The following BRCC3 variants were observed in gnomAD, a reference collection of about 807,000 sequenced individuals.
BRCC3 encodes lys-63-specific deubiquitinase BRCC36.
In BRCC3, 15 loss-of-function variants were observed where a neutral mutation model predicts 28.0. That is an observed-to-expected ratio of 0.54 (90% CI 0.36 to 0.82). BRCC3 has a LOEUF of 0.82. Ranked by LOEUF, BRCC3 falls within the 40% of genes least tolerant of loss-of-function variation. The pLI is 0.01. For synonymous variants in BRCC3, 66 were observed against 80.3 expected (o/e 0.82, Z 0.95); for missense variants, 109 against 225.9 (o/e 0.48, Z 3.32).
chrX:155,084,029 A>G (rs1413003491), intron 5 of BRCC3, among the ~76,000 whole-genome samples: 2 of 112,238 alleles, frequency 1.8e-5, no homozygotes, highest in African/African-American at 6.5e-5. Context: ...ACAAGTGGGA[A>G]TCCTATTCAT....
intron 2 of BRCC3, among the ~76,000 whole-genome samples, 191 bp from the exon 3 acceptor site, chrX:155,073,186 C>T (rs1244392014): frequency 1.8e-5 from 2 of 112,333 alleles, no homozygotes; most frequent in Non-Finnish European, 3.8e-5. Flanking sequence ...TACACTCAGC[C>T]ACTTGTGCAT....
At chrX:155,105,386 G>C (rs1448645929) in intron 7 of BRCC3, among the ~76,000 whole-genome samples, 1 of 111,779 alleles carries the variant, frequency 8.9e-6, no homozygotes, top group Non-Finnish European at 1.9e-5. Flanking sequence ...GGGAGGCTGA[G>C]GCAGGAGAAT....
Position 155,121,595 on chromosome X carries a change from C to T in BRCC3, c.*391C>T, listed in dbSNP as rs781946648. Reference sequence around the variant, plus strand: ...ATGTATAACGGACTTAAATGTGATACATAAAACTAGATAACTTTGAAAAAA... The same window carrying T: ...ATGTATAACGGACTTAAATGTGATATATAAAACTAGATAACTTTGAAAAAA... On this transcript the variant is annotated 3_prime_UTR_variant, in exon 11 of 11. Coordinates refer to ENST00000330045, the MANE Select transcript of BRCC3 (RefSeq NM_001018055.3). 1 of 112,097 alleles carries T rather than the reference C, an allele frequency of 8.9e-6. No homozygotes were observed. Among genetic ancestry groups the T allele is most frequent in the Non-Finnish European group, 1.9e-5 (1 of 53,223 alleles). 9.2% of individuals were successfully genotyped at this position (112,097 alleles called of 1,213,427 possible).
At chrX:155,112,817 A>G (rs1197765800) in intron 7 of BRCC3, among the ~76,000 whole-genome samples, 4 of 112,481 alleles carry the variant, frequency 3.6e-5, no homozygotes, top group Non-Finnish European at 7.5e-5. Flanking sequence ...AAAAATCAAC[A>G]AACCAAAATC....
At chrX:155,111,277 A>G (rs782345416) in intron 7 of BRCC3, among the ~76,000 whole-genome samples, 6 of 112,236 alleles carry the variant, frequency 5.3e-5, no homozygotes, top group Non-Finnish European at 1.1e-4. Flanking sequence ...TGGAAATGCC[A>G]GAGGAAAGAG....
intron 3 of BRCC3, among the ~76,000 whole-genome samples, chrX:155,075,266 T>A (rs2074023304): frequency 8.9e-6 from 1 of 112,248 alleles, no homozygotes; most frequent in African/African-American, 3.2e-5. Context: ...CCCTTCAACA[T>A]CTGATAATGC....
Position 155,092,797 on chromosome X carries a change from C to T in BRCC3, c.548+1958C>T, listed in dbSNP as rs1190271233. 2.7e-5 allele frequency among the ~76,000 whole-genome samples: 3 copies of T among 111,035 alleles called. No homozygotes were observed. In the East Asian group the frequency reaches 8.4e-4, roughly 31 times the overall value. ...TTCTCCTGGGTTGGATCCATTGTCA[C>T]CTGGATTTTATGTTATCTTTCTTGG... On this transcript the variant is annotated intron_variant, in intron 7 of 10. Transcript: ENST00000330045.
intron 5 of BRCC3, among the ~76,000 whole-genome samples, chrX:155,087,233 C>G (rs782159136): frequency 9.0e-6 from 1 of 111,606 alleles, no homozygotes; most frequent in African/African-American, 3.3e-5. Flanking sequence ...CAGAACGATC[C>G]CACCCGGAGA....
At chrX:155,109,058 G>A (rs1369140957) in intron 7 of BRCC3, among the ~76,000 whole-genome samples, 1 of 111,074 alleles carries the variant, frequency 9.0e-6, no homozygotes, top group East Asian at 2.8e-4. Context: ...TTTCCCACGT[G>A]TGTATCCAAT....
At chrX:155,116,024 T>A (rs782785246) in intron 7 of BRCC3, 33 bp from the exon 8 acceptor site, 2 of 1,193,713 alleles carry the variant, frequency 1.7e-6, no homozygotes, top group Admixed American at 4.4e-5. Flanking sequence ...CAACTCAGGG[T>A]TTAAAAACTG....
chrX:155,117,127 A>C (rs986221840), intron 9 of BRCC3, among the ~76,000 whole-genome samples: 2 of 111,886 alleles, frequency 1.8e-5, no homozygotes, highest in Non-Finnish European at 3.8e-5. Context: ...AGCAACTAAC[A>C]TGTCATCAAC....
intron 5 of BRCC3, among the ~76,000 whole-genome samples, chrX:155,088,188 A>C (rs1395474432): frequency 4.5e-5 from 5 of 111,936 alleles, no homozygotes; most frequent in African/African-American, 6.5e-5. Flanking sequence ...CTAGATCAAA[A>C]AGGTATACAC....
chrX:155,094,408 T>G (rs1337203854), intron 7 of BRCC3, among the ~76,000 whole-genome samples: 1 of 110,844 alleles, frequency 9.0e-6, no homozygotes, highest in Non-Finnish European at 1.9e-5. Context: ...AATGAAAGCT[T>G]GGTTATTAAA....
chrX:155,120,179 TC>T lies in BRCC3; in HGVS notation c.*18+12del, dbSNP rs1557299269. On this transcript the variant is annotated intron_variant, in intron 10 of 10. Coordinates refer to ENST00000330045, the MANE Select transcript of BRCC3 (RefSeq NM_001018055.3). ...AGGAGACAAAATGGGGTAAAAAACT[TC>T]TTTTTCAATTTGTGTACTAAACACA... 1.7e-6 allele frequency: 2 copies of T among 1,162,387 alleles called. No individual in the cohort carries two copies. The highest frequency in any genetic ancestry group is 2.3e-6 in the Non-Finnish European group (2 of 854,526).
At chrX:155,095,222 A>T (rs782467393) in intron 7 of BRCC3, among the ~76,000 whole-genome samples, 1 of 112,223 alleles carries the variant, frequency 8.9e-6, no homozygotes, top group Non-Finnish European at 1.9e-5. Context: ...GTGTTACCAG[A>T]TTCAAAATAT....
chrX:155,090,525 T>C, intron 6 of BRCC3, among the ~76,000 whole-genome samples: 1 of 112,278 alleles, frequency 8.9e-6, no homozygotes, highest in South Asian at 3.7e-4. Context: ...GCTTTCAGGA[T>C]GGCAGTTTGA....
intron 7 of BRCC3, among the ~76,000 whole-genome samples, chrX:155,115,625 A>G (rs1557298609): frequency 8.9e-6 from 1 of 112,569 alleles, no homozygotes; most frequent in African/African-American, 3.2e-5. Flanking sequence ...CAAGTGAGTA[A>G]TCCCACCTAC....
intron 8 of BRCC3, among the ~76,000 whole-genome samples, chrX:155,116,473 A>G: frequency 8.9e-6 from 1 of 112,290 alleles, no homozygotes; most frequent in South Asian, 3.7e-4. Context: ...GCCAAGCACT[A>G]GGTCTTGCCC....
At chrX:155,118,278 G>T (rs141589220) in intron 9 of BRCC3, among the ~76,000 whole-genome samples, 1 of 107,067 alleles carries the variant, frequency 9.3e-6, no homozygotes, top group Non-Finnish European at 1.9e-5. Context: ...AAAAGGACGC[G>T]TCTCAAGAAC....
Sources: allele counts gnomAD v4.1 joint callset (sites outside exome capture counted in the v4.1 genomes callset), GRCh38; gene constraint gnomAD v4.1.1; transcripts MANE v1.5; gene names NCBI Gene and HGNC (gene_info 2026-07-23, HGNC 2026-07-21).